Variants in LHCGR observed in about 807,000 individuals in gnomAD.
LHCGR encodes the protein luteinizing hormone/choriogonadotropin receptor.
LHCGR carries 55 observed loss-of-function variants against 60.7 expected under a neutral mutation model. The ratio of observed to expected loss-of-function variants is 0.91; its 90% CI spans 0.73 to 1.13. The LOEUF is 1.13. LHCGR is among the 50% of genes most tolerant of loss of function. The pLI, the probability that LHCGR is intolerant of heterozygous loss-of-function variation, is 0.00. For synonymous variants in LHCGR, 337 were observed against 316.5 expected (o/e 1.06, Z -0.69); for missense variants, 862 against 836.0 (o/e 1.03, Z -0.38).
intron 1 of LHCGR, among the ~76,000 whole-genome samples, chr2:48,752,994 GGGT>G (rs765668936): frequency 5.0e-4 from 51 of 102,874 alleles, no homozygotes; most frequent in East Asian, 4.9e-3. Flanking sequence ...GGGGGGGGGG[GGGT>G]GGGGAAGGGA....
At position 48,687,881 on chromosome 2, in the gene LHCGR, C is replaced by T. The variant is rs149766676; in HGVS notation, c.1916G>A (p.Ser639Asn). Residue 639 changes from serine to asparagine, a missense_variant, in exon 11 of 11, where the codon AGC (serine) becomes AAC (asparagine). Transcript: ENST00000294954. ...TFQRDFFLLL[S>N]KFGCCKRRAE... Reference sequence around the variant, plus strand: ...CCGACGTTTACAGCAGCCAAATTTGCTCAGCAAAAGAAAGAAATCTCTTTG... The same window carrying T: ...CCGACGTTTACAGCAGCCAAATTTGTTCAGCAAAAGAAAGAAATCTCTTTG... 81 of 1,614,090 alleles carry T rather than the reference C, an allele frequency of 5.0e-5. No individual in the cohort carries two copies. The African/African-American group carries it at 1.0e-3, about 20-fold the overall frequency.
rs1667052977 is a variant in LHCGR at position 48,695,097 on chromosome 2, T to G, written c.867-793A>C. On this transcript the variant is annotated intron_variant, in intron 9 of 10. Coordinates refer to ENST00000294954, the MANE Select transcript of LHCGR (RefSeq NM_000233.4). ...AGCAGCCAATAAGCATATGAAAAAATGCTGTTCTATTCATGCCCTTTGCCC... is the reference window on the plus strand; with the variant it reads ...AGCAGCCAATAAGCATATGAAAAAAGGCTGTTCTATTCATGCCCTTTGCCC... 2.0e-5 allele frequency among the ~76,000 whole-genome samples: 3 copies of G among 152,214 alleles called. No individual in the cohort carries two copies. In the South Asian group the frequency reaches 6.2e-4, roughly 32 times the overall value.
intron 1 of LHCGR, among the ~76,000 whole-genome samples, chr2:48,742,648 A>T (rs1184290447): frequency 2.6e-5 from 4 of 152,006 alleles, no homozygotes; most frequent in African/African-American, 9.7e-5. Flanking sequence ...AACCAACGAG[A>T]ACAAAGACAC....
intron 1 of LHCGR, among the ~76,000 whole-genome samples, chr2:48,748,499 T>C (rs974474243): frequency 6.6e-6 from 1 of 152,102 alleles, no homozygotes; most frequent in African/African-American, 2.4e-5. Context: ...AAGGCAATAA[T>C]GAGCTCTGCT....
intron 1 of LHCGR, among the ~76,000 whole-genome samples, chr2:48,748,449 G>A (rs540031330): frequency 6.6e-6 from 1 of 152,236 alleles, no homozygotes; most frequent in East Asian, 1.9e-4. Flanking sequence ...ATGTGTCAGG[G>A]GCAGCTAAGT....
chr2:48,697,230 C>T (rs1226129965), intron 9 of LHCGR, among the ~76,000 whole-genome samples: 1 of 152,238 alleles, frequency 6.6e-6, no homozygotes, highest in African/African-American at 2.4e-5. Context: ...GTCTAGACAA[C>T]TCCTGCCTGT....
chr2:48,687,451 C>T lies in LHCGR; in HGVS notation c.*246G>A. ...GATTCATCAAACAAAATTACTGTGT[C>T]AAAATTTCTATAAAAATTTCTAAAC... is the stretch of plus-strand genomic sequence containing the variant. On this transcript the variant is annotated 3_prime_UTR_variant, in exon 11 of 11. Coordinates refer to ENST00000294954, the MANE Select transcript of LHCGR (RefSeq NM_000233.4). 2.4e-6 allele frequency: 1 copy of T among 417,266 alleles called. No individual in the cohort carries two copies. Among genetic ancestry groups the T allele is most frequent in the South Asian group, 5.1e-5 (1 of 19,564 alleles). 25.8% of individuals were successfully genotyped at this position (417,266 alleles called of 1,614,324 possible). A position where few individuals can be genotyped will look rare whatever the true frequency, so the allele number is the denominator to read the frequency against.
intron 10 of LHCGR, among the ~76,000 whole-genome samples, chr2:48,692,642 GC>G (rs1325398579): frequency 1.3e-5 from 2 of 152,258 alleles, no homozygotes; most frequent in African/African-American, 4.8e-5. Flanking sequence ...CTGTAGCACC[GC>G]TGCTCCAGTC....
intron 1 of LHCGR, among the ~76,000 whole-genome samples, chr2:48,754,364 A>T (rs940166797): frequency 6.6e-6 from 1 of 152,132 alleles, no homozygotes; most frequent in African/African-American, 2.4e-5. Flanking sequence ...TTCCTTCCCC[A>T]GCACAGAATT....
chr2:48,730,119 A>T (rs912671006), intron 2 of LHCGR, among the ~76,000 whole-genome samples: 6 of 152,238 alleles, frequency 3.9e-5, no homozygotes, highest in Non-Finnish European at 5.9e-5. Context: ...GTTAAGGCTC[A>T]CTGAAGGCTT....
chr2:48,738,449 C>T (rs1669294416), intron 1 of LHCGR, among the ~76,000 whole-genome samples: 1 of 152,194 alleles, frequency 6.6e-6, no homozygotes, highest in Admixed American at 6.5e-5. Context: ...TCCATCGTTG[C>T]TTTCCCCTGA....
chr2:48,713,311 G>T (rs1204811843), intron 7 of LHCGR, among the ~76,000 whole-genome samples: 3 of 152,058 alleles, frequency 2.0e-5, no homozygotes, highest in Non-Finnish European at 4.4e-5. Context: ...CAAATTGCAG[G>T]GTGACTGTGA....
At chr2:48,742,809 A>T (rs1341265678) in intron 1 of LHCGR, among the ~76,000 whole-genome samples, 1 of 151,990 alleles carries the variant, frequency 6.6e-6, no homozygotes, top group African/African-American at 2.4e-5. Context: ...AAACACATTC[A>T]AAAGCTAGCA....
chr2:48,706,864 A>T (rs929854525), intron 8 of LHCGR, among the ~76,000 whole-genome samples: 2 of 151,882 alleles, frequency 1.3e-5, no homozygotes, highest in African/African-American at 4.8e-5. Flanking sequence ...GAAGTTTGTT[A>T]TTACCCACCT....
At chr2:48,752,774 C>T (rs553069897) in intron 1 of LHCGR, among the ~76,000 whole-genome samples, 21 of 151,918 alleles carry the variant, frequency 1.4e-4, no homozygotes, top group Non-Finnish European at 2.8e-4. Context: ...GACTGATGCT[C>T]TCCTCCTACC....
chr2:48,725,640 C>A (rs775518676), intron 4 of LHCGR, 36 bp downstream of exon 4: 2 of 1,421,958 alleles, frequency 1.4e-6, no homozygotes, highest in Non-Finnish European at 2.0e-6. Flanking sequence ...TGCCCATCTT[C>A]CCCTCCCCAA....
At chr2:48,710,776 C>T (rs896427249) in intron 7 of LHCGR, among the ~76,000 whole-genome samples, 4 of 152,184 alleles carry the variant, frequency 2.6e-5, no homozygotes, top group Admixed American at 6.5e-5. Context: ...CAGGTGTTTG[C>T]GAACTTTGCA....
chr2:48,748,875 C>T (rs1414070403), intron 1 of LHCGR, among the ~76,000 whole-genome samples: 2 of 152,134 alleles, frequency 1.3e-5, no homozygotes, highest in Non-Finnish European at 2.9e-5. Flanking sequence ...AAAAGGGGAC[C>T]TGGTGCTAGA....
chr2:48,710,161 T>TAG (rs1233200006), intron 7 of LHCGR, among the ~76,000 whole-genome samples: 1 of 152,182 alleles, frequency 6.6e-6, no homozygotes, highest in African/African-American at 2.4e-5. Context: ...AGCATTTTCT[T>TAG]TGGAAACCCT....
Sources: gnomAD v4.1 joint callset for allele counts (sites outside exome capture counted in the v4.1 genomes callset) on GRCh38, gnomAD v4.1.1 for gene constraint, MANE v1.5 for transcripts, NCBI Gene and HGNC (gene_info 2026-07-23, HGNC 2026-07-21) for gene names.